NPAS3: variants seen among roughly 807,000 people sequenced by gnomAD.
The protein encoded by NPAS3 is neuronal PAS domain protein 3.
In NPAS3, 14 loss-of-function variants were observed where a neutral mutation model predicts 73.1. The ratio of observed to expected loss-of-function variants is 0.19; its 90% CI spans 0.13 to 0.30. NPAS3 has a LOEUF of 0.30. Among genes scored for constraint, NPAS3 ranks in the 10% least tolerant of loss-of-function variants. The pLI is 1.00. For synonymous variants in NPAS3, 620 were observed against 541.5 expected (o/e 1.14, Z -2.01); for missense variants, 1,096 against 1,250.0 (o/e 0.88, Z 1.86).
chr14:33,368,481 T>G (rs1306265699), intron 4 of NPAS3, among the ~76,000 whole-genome samples: 1 of 152,100 alleles, frequency 6.6e-6, no homozygotes, highest in Non-Finnish European at 1.5e-5. Context: ...TCCAGGAATT[T>G]GTGGTTTTTA....
chr14:33,667,648 G>A (rs1187092097), intron 5 of NPAS3, among the ~76,000 whole-genome samples: 1 of 152,176 alleles, frequency 6.6e-6, no homozygotes, highest in African/African-American at 2.4e-5. Flanking sequence ...CCCTACCACA[G>A]TTAGTAGTTA....
At chr14:33,638,857 T>C (rs1473357661) in intron 5 of NPAS3, among the ~76,000 whole-genome samples, 10 of 152,234 alleles carry the variant, frequency 6.6e-5, no homozygotes, top group Admixed American at 5.9e-4. Context: ...TTTAAAGTAA[T>C]GTAACTGTCC....
intron 3 of NPAS3, among the ~76,000 whole-genome samples, chr14:33,238,325 A>C (rs954584915): frequency 6.6e-6 from 1 of 152,024 alleles, no homozygotes; most frequent in African/African-American, 2.4e-5. Context: ...AACAAGTTTT[A>C]AAATGCGGTC....
chr14:33,647,557 A>G (rs193108800), intron 5 of NPAS3, among the ~76,000 whole-genome samples: 1 of 152,162 alleles, frequency 6.6e-6, no homozygotes, highest in African/African-American at 2.4e-5. Context: ...ATTAACACCA[A>G]TTGTTTCACC....
intron 4 of NPAS3, among the ~76,000 whole-genome samples, chr14:33,371,564 A>G (rs1292746544): frequency 1.3e-5 from 2 of 152,154 alleles, no homozygotes; most frequent in Non-Finnish European, 2.9e-5. Context: ...GGTTTTCATT[A>G]TTATTAATGG....
At chr14:33,251,057 C>G (rs966754008) in intron 3 of NPAS3, among the ~76,000 whole-genome samples, 1 of 152,048 alleles carries the variant, frequency 6.6e-6, no homozygotes, top group Non-Finnish European at 1.5e-5. Context: ...AGCTGGTGTT[C>G]TAGAAAGCAT....
chr14:33,342,518 C>G (rs1408608136), intron 3 of NPAS3, among the ~76,000 whole-genome samples: 1 of 152,246 alleles, frequency 6.6e-6, no homozygotes, highest in Non-Finnish European at 1.5e-5. Context: ...TGGCAACCTG[C>G]TGGCTTTTAT....
chr14:33,561,044 T>C (rs980403794), intron 5 of NPAS3, among the ~76,000 whole-genome samples: 1 of 152,204 alleles, frequency 6.6e-6, no homozygotes, highest in African/African-American at 2.4e-5. Context: ...TTTCATCTGG[T>C]AGTTTGGCAT....
chr14:33,424,932 T>G (rs1361838989), intron 4 of NPAS3, among the ~76,000 whole-genome samples: 1 of 151,996 alleles, frequency 6.6e-6, no homozygotes, highest in Non-Finnish European at 1.5e-5. Context: ...AAGGACTATG[T>G]GTAAAAACAG....
At chr14:32,937,519 C>G (rs1198127242), upstream of NPAS3, among the ~76,000 whole-genome samples, 2 of 152,108 alleles carry the variant, frequency 1.3e-5, no homozygotes, top group Admixed American at 6.5e-5. Context: ...CCATAACACT[C>G]TCCACTCCAG....
In NPAS3 at chr14:33,746,171, T is replaced by TTTTATTTA. The variant is rs528860081; in HGVS notation, c.852+10863_852+10870dup. Among the ~76,000 whole-genome samples the TTTTATTTA allele has an allele frequency of 3.8e-3, 555 of 144,454 alleles. 7 individuals are homozygous for TTTTATTTA. Among genetic ancestry groups the TTTTATTTA allele is most frequent in the African/African-American group, 0.012 (487 of 39,300 alleles). 94.8% of individuals were successfully genotyped at this position (144,454 alleles called of 152,430 possible). A position where few individuals can be genotyped will look rare whatever the true frequency, so the allele number is the denominator to read the frequency against. The stretch of plus-strand genomic sequence containing the variant: ...TATTGACTCATTCTTTTTTATTTTA[T>TTTTATTTA]TTTATTTATTTATTTATTTATTTAT... On this transcript the variant is annotated intron_variant, in intron 7 of 11. Transcript: ENST00000356141.
chr14:33,467,509 A>T (rs2050581333), intron 4 of NPAS3, among the ~76,000 whole-genome samples: 1 of 152,234 alleles, frequency 6.6e-6, no homozygotes, highest in Non-Finnish European at 1.5e-5. Flanking sequence ...CTCACTTTAG[A>T]CATGAAGTTC....
chr14:33,366,830 G>T (rs1190758756), intron 3 of NPAS3, among the ~76,000 whole-genome samples: 2 of 152,000 alleles, frequency 1.3e-5, no homozygotes, highest in Non-Finnish European at 2.9e-5. Flanking sequence ...GTATGCAGAT[G>T]CTTAAAAAAA....
chr14:33,112,514 G>A (rs894495125), intron 2 of NPAS3, among the ~76,000 whole-genome samples: 1 of 151,092 alleles, frequency 6.6e-6, no homozygotes, highest in Non-Finnish European at 1.5e-5. Context: ...TTTTGATGGG[G>A]TTGTTTTTTT....
At chr14:33,786,783 T>G (rs1006061248) in intron 9 of NPAS3, among the ~76,000 whole-genome samples, 1 of 152,196 alleles carries the variant, frequency 6.6e-6, no homozygotes, top group Non-Finnish European at 1.5e-5. Flanking sequence ...CCACTTGAGT[T>G]TCATTGCCCA....
intron 3 of NPAS3, among the ~76,000 whole-genome samples, chr14:33,346,799 G>A (rs751530993): frequency 2.0e-5 from 3 of 152,114 alleles, no homozygotes; most frequent in Non-Finnish European, 4.4e-5. Flanking sequence ...GATGCCTTAT[G>A]GTCCTGAGGC....
At chr14:33,255,052 A>G (rs188421534) in intron 3 of NPAS3, among the ~76,000 whole-genome samples, 2 of 152,128 alleles carry the variant, frequency 1.3e-5, no homozygotes, top group African/African-American at 4.8e-5. Flanking sequence ...GAAAACTTGG[A>G]ATTGGAAACA....
At chr14:33,035,298 A>G (rs1330904205) in intron 1 of NPAS3, among the ~76,000 whole-genome samples, 1 of 152,178 alleles carries the variant, frequency 6.6e-6, no homozygotes, top group East Asian at 1.9e-4. Flanking sequence ...ATTATTACCT[A>G]GAAGCAGATT....
At chr14:33,508,263 A>C (rs1318981576) in intron 4 of NPAS3, among the ~76,000 whole-genome samples, 1 of 152,090 alleles carries the variant, frequency 6.6e-6, no homozygotes, top group Non-Finnish European at 1.5e-5. Context: ...TGTTTAATTC[A>C]GAACAAAATC....
Sources: gnomAD v4.1 joint callset for allele counts (sites outside exome capture counted in the v4.1 genomes callset) on GRCh38, gnomAD v4.1.1 for gene constraint, MANE v1.5 for transcripts, NCBI Gene and HGNC (gene_info 2026-07-23, HGNC 2026-07-21) for gene names.